Variants in MBNL1 observed in about 807,000 individuals in gnomAD.
The protein encoded by MBNL1 is muscleblind like splicing regulator 1, also known as muscleblind-like protein 1.
Under a neutral mutation model 42.2 loss-of-function variants are expected in MBNL1, and 8 were observed. That is an observed-to-expected ratio of 0.19 (90% CI 0.11 to 0.34). MBNL1 has a LOEUF of 0.34. Among genes scored for constraint, MBNL1 ranks in the 10% least tolerant of loss-of-function variants. The probability of loss-of-function intolerance (pLI) is 1.00; values close to 1 mark genes in which losing one functional copy is unlikely to be tolerated. For synonymous variants in MBNL1, 169 were observed against 173.9 expected (o/e 0.97, Z 0.22); for missense variants, 309 against 495.3 (o/e 0.62, Z 3.57).
intron 2 of MBNL1, among the ~76,000 whole-genome samples, chr3:152,344,071 G>A (rs2093814090): frequency 6.6e-6 from 1 of 151,808 alleles, no homozygotes; most frequent in Admixed American, 6.6e-5. Context: ...CTTTTTTTGG[G>A]GGGTGACTGG....
At position 152,290,276 on chromosome 3, in the gene MBNL1, G is replaced by A. The variant is rs140857066; in HGVS notation, c.-789-9129G>A. ...GGCAACTATTAAGTTTGATCCTAAT[G>A]AGATATGCTTTATATTTTGGGCAGG... is the stretch of plus-strand genomic sequence containing the variant. On this transcript the variant is annotated intron_variant, in intron 1 of 9. Transcript: ENST00000324210. Among the ~76,000 whole-genome samples, 162 of 151,976 alleles carry A rather than the reference G, an allele frequency of 1.1e-3. 3 individuals are homozygous for A. The East Asian group carries it at 0.025, about 24-fold the overall frequency.
chr3:152,300,979 T>A, intron 2 of MBNL1: 28 of 940,146 alleles, frequency 3.0e-5, no homozygotes, highest in Non-Finnish European at 3.4e-5. Flanking sequence ...TGCATGTGAG[T>A]TATATAAATA....
At chr3:152,316,599 G>A (rs2071669335) in intron 2 of MBNL1, among the ~76,000 whole-genome samples, 1 of 152,036 alleles carries the variant, frequency 6.6e-6, no homozygotes, top group Non-Finnish European at 1.5e-5. Flanking sequence ...AGTCCTGCTT[G>A]CTCCATCACC....
intron 2 of MBNL1, among the ~76,000 whole-genome samples, chr3:152,389,095 C>CT (rs894114565): frequency 5.2e-4 from 78 of 149,018 alleles, no homozygotes; most frequent in Middle Eastern, 3.5e-3. Flanking sequence ...TCATGCATCT[C>CT]TTTTTTTTTT....
chr3:152,415,742 C>T (rs1470560615), intron 3 of MBNL1, among the ~76,000 whole-genome samples: 1 of 152,098 alleles, frequency 6.6e-6, no homozygotes, highest in Non-Finnish European at 1.5e-5. Context: ...ACTGGGTGGT[C>T]ATAGATATTT....
intron 4 of MBNL1, among the ~76,000 whole-genome samples, chr3:152,442,888 T>C (rs2099162412): frequency 6.6e-6 from 1 of 152,158 alleles, no homozygotes; most frequent in African/African-American, 2.4e-5. Context: ...CCTTATTTTT[T>C]CACAAGCAAG....
At chr3:152,292,773 A>C (rs377713688) in intron 1 of MBNL1, among the ~76,000 whole-genome samples, 1 of 150,224 alleles carries the variant, frequency 6.7e-6, no homozygotes, top group South Asian at 2.1e-4. Flanking sequence ...TTTAATTAAT[A>C]CTTTTTTTTT....
intron 2 of MBNL1, among the ~76,000 whole-genome samples, chr3:152,325,238 C>G (rs2152483609): frequency 6.6e-6 from 1 of 152,030 alleles, no homozygotes; most frequent in East Asian, 1.9e-4. Flanking sequence ...CTTCTCCTCA[C>G]TCTAGACCTG....
Position 152,459,248 on chromosome 3 carries a change from TTAAA to T in MBNL1, c.1093-19_1093-16del. ...TTGGCTTGCTTGCATGGATCATTCATTAAATAATTTTTTATTTGCTAGATACCCA... is the reference window on the plus strand; with the variant it reads ...TTGGCTTGCTTGCATGGATCATTCATTAATTTTTTATTTGCTAGATACCCA... On this transcript the variant is annotated intron_variant, in intron 8 of 9. Transcript: ENST00000324210. The T allele has an allele frequency of 7.0e-7, 1 of 1,420,378 alleles. No homozygotes were observed. The highest frequency in any genetic ancestry group is 9.7e-7 in the Non-Finnish European group (1 of 1,030,440). 88.0% of individuals were successfully genotyped at this position (1,420,378 alleles called of 1,614,324 possible).
intron 2 of MBNL1, among the ~76,000 whole-genome samples, chr3:152,346,787 C>G (rs1475886448): frequency 6.6e-6 from 1 of 151,452 alleles, no homozygotes; most frequent in African/African-American, 2.4e-5. Flanking sequence ...GATTTCTGAC[C>G]TTGGGTTGGA....
chr3:152,247,969 C>T (rs1467571935), intron 2 of MBNL1, among the ~76,000 whole-genome samples: 1 of 151,670 alleles, frequency 6.6e-6, no homozygotes, highest in Non-Finnish European at 1.5e-5. Flanking sequence ...TATTATTCTA[C>T]TTTACAGATA....
At chr3:152,420,350 C>T (rs767321130) in intron 3 of MBNL1, among the ~76,000 whole-genome samples, 1 of 152,174 alleles carries the variant, frequency 6.6e-6, no homozygotes, top group East Asian at 1.9e-4. Flanking sequence ...GATCGAAAGA[C>T]ACTTCATATA....
chr3:152,340,968 GA>G (rs1178836349), intron 2 of MBNL1: 1 of 1,499,548 alleles, frequency 6.7e-7, no homozygotes, highest in Non-Finnish European at 8.9e-7. Context: ...CCACTTTCCT[GA>G]AGGTCTGGGT....
intron 1 of MBNL1, among the ~76,000 whole-genome samples, chr3:152,287,795 G>A (rs745406215): frequency 5.3e-5 from 8 of 152,166 alleles, no homozygotes; most frequent in Non-Finnish European, 1.0e-4. Flanking sequence ...TGATGCTGAT[G>A]GAAACATGTA....
chr3:152,447,896 A>C (rs1713296336), intron 6 of MBNL1, 123 bp downstream of exon 6: 2 of 773,980 alleles, frequency 2.6e-6, no homozygotes, highest in Non-Finnish European at 3.9e-6. Flanking sequence ...TAAGGTGGTC[A>C]ATGATGGAAA....
At chr3:152,377,482 T>C (rs1043192548) in intron 2 of MBNL1, among the ~76,000 whole-genome samples, 3 of 152,198 alleles carry the variant, frequency 2.0e-5, no homozygotes, top group Non-Finnish European at 2.9e-5. Flanking sequence ...TTATCTCTTA[T>C]TTGGGGACAA....
intron 2 of MBNL1, among the ~76,000 whole-genome samples, chr3:152,329,856 A>C (rs948249501): frequency 2.5e-4 from 38 of 151,442 alleles, no homozygotes; most frequent in African/African-American, 9.2e-4. Flanking sequence ...TTGGTTTGAA[A>C]TAATTTTCAC....
chr3:152,344,795 A>G (rs922622950), intron 2 of MBNL1, among the ~76,000 whole-genome samples: 4 of 152,022 alleles, frequency 2.6e-5, no homozygotes, highest in African/African-American at 9.7e-5. Flanking sequence ...CATTTGTGCT[A>G]TTATTATTTT....
chr3:152,344,358 T>G (rs1286276652), intron 2 of MBNL1, among the ~76,000 whole-genome samples: 1 of 152,106 alleles, frequency 6.6e-6, no homozygotes, highest in African/African-American at 2.4e-5. Flanking sequence ...TAATGGGAGA[T>G]GTAGCAAAGT....
Sources: gnomAD v4.1 joint callset for allele counts (sites outside exome capture counted in the v4.1 genomes callset) on GRCh38, gnomAD v4.1.1 for gene constraint, MANE v1.5 for transcripts, NCBI Gene and HGNC (gene_info 2026-07-23, HGNC 2026-07-21) for gene names.